Variants in RARRES1 observed in about 807,000 individuals in gnomAD.
The protein encoded by RARRES1 is retinoic acid receptor responder 1, also known as retinoic acid receptor responder protein 1.
A neutral mutation model predicts 30.6 loss-of-function variants in RARRES1; 34 were observed. The ratio of observed to expected loss-of-function variants is 1.11; its 90% CI spans 0.84 to 1.48. RARRES1 has a LOEUF of 1.48. Among genes scored for constraint, RARRES1 ranks in the 40% most tolerant of loss-of-function variants. The pLI is 0.00. For synonymous variants in RARRES1, 153 were observed against 155.5 expected, an observed-to-expected ratio of 0.98 and a Z score of 0.12; for missense variants, 373 against 386.5, an observed-to-expected ratio of 0.97 and a Z score of 0.29.
At chr3:158,719,193 T>C (rs1727419378) in intron 1 of RARRES1, among the ~76,000 whole-genome samples, 1 of 151,992 alleles carries the variant, frequency 6.6e-6, no homozygotes, top group African/African-American at 2.4e-5. Context: ...AAATTATGTA[T>C]AAAAGACTTG....
intron 1 of RARRES1, among the ~76,000 whole-genome samples, chr3:158,717,659 A>G (rs1448759095): frequency 1.3e-5 from 2 of 152,282 alleles, no homozygotes; most frequent in Non-Finnish European, 2.9e-5. Flanking sequence ...TTTTGAAAAG[A>G]TCCCTCTAGC....
intron 1 of RARRES1, among the ~76,000 whole-genome samples, chr3:158,718,899 G>A (rs1576819103): frequency 6.6e-6 from 1 of 152,096 alleles, no homozygotes. Context: ...AATCTGACAC[G>A]AGGAAAGGTG....
chr3:158,700,425 T>C (rs1418174430), intron 4 of RARRES1, among the ~76,000 whole-genome samples: 1 of 147,886 alleles, frequency 6.8e-6, no homozygotes, highest in East Asian at 2.0e-4. Flanking sequence ...ACAAAGAGTG[T>C]TACCCATTTT....
chr3:158,730,679 T>C (rs1372882839), intron 1 of RARRES1, among the ~76,000 whole-genome samples: 1 of 152,142 alleles, frequency 6.6e-6, no homozygotes, highest in Non-Finnish European at 1.5e-5. Flanking sequence ...CTACAACTCC[T>C]GAGCTCAAGC....
chr3:158,727,726 A>G (rs1471888598), intron 1 of RARRES1, among the ~76,000 whole-genome samples: 1 of 152,214 alleles, frequency 6.6e-6, no homozygotes, highest in Non-Finnish European at 1.5e-5. Context: ...ATGTAATACT[A>G]GAAAAGTAAA....
At chr3:158,717,543 G>A (rs1411095373) in intron 1 of RARRES1, among the ~76,000 whole-genome samples, 1 of 152,280 alleles carries the variant, frequency 6.6e-6, no homozygotes, top group East Asian at 1.9e-4. Flanking sequence ...TGGAGCTGGA[G>A]CTGGGACCCG....
chr3:158,699,804 A>G (rs1190115751), intron 4 of RARRES1, among the ~76,000 whole-genome samples: 1 of 152,218 alleles, frequency 6.6e-6, no homozygotes. Context: ...GAGAAAATTC[A>G]GTGTCTCTTT....
chr3:158,704,259 A>C, intron 4 of RARRES1, among the ~76,000 whole-genome samples: 3 of 116,236 alleles, frequency 2.6e-5, no homozygotes, highest in Admixed American at 1.3e-4. Flanking sequence ...CAGAGATGGC[A>C]TCTCACTCTG....
intron 3 of RARRES1, 106 bp from the exon 4 acceptor site, chr3:158,705,033 C>T: frequency 7.1e-7 from 1 of 1,403,924 alleles, no homozygotes; most frequent in Non-Finnish European, 9.5e-7. Context: ...CCAGTCATCT[C>T]TCTCACAGCA....
intron 1 of RARRES1, among the ~76,000 whole-genome samples, chr3:158,724,262 A>G (rs1727604627): frequency 6.6e-6 from 1 of 152,212 alleles, no homozygotes; most frequent in South Asian, 2.1e-4. Flanking sequence ...GGGGTGTGGT[A>G]GGCTGAATAA....
At chr3:158,710,643 C>T (rs553779750) in intron 3 of RARRES1, 95 bp downstream of exon 3, 4 of 1,196,718 alleles carry the variant, frequency 3.3e-6, no homozygotes, top group South Asian at 3.1e-5. Context: ...AATGAAAGTG[C>T]CACTTTAGGG....
chr3:158,731,115 A>G (rs932539767), intron 1 of RARRES1, among the ~76,000 whole-genome samples: 1 of 152,210 alleles, frequency 6.6e-6, no homozygotes, highest in African/African-American at 2.4e-5. Flanking sequence ...ATTTGATTTA[A>G]TCATTCAATA....
Position 158,704,210 on chromosome 3 carries a change from C to CTTTT in RARRES1, c.672+577_672+580dup, listed in dbSNP as rs78169321. On this transcript the variant is annotated intron_variant, in intron 4 of 5. Transcript: ENST00000237696. The stretch of plus-strand genomic sequence containing the variant: ...AGGCCTTGCCTAGAATATTGCAATA[C>CTTTT]TTTTTTTTTTTTTTTTTTTTTTTTT... Among the ~76,000 whole-genome samples, 38 of 82,836 alleles carry CTTTT rather than the reference C, an allele frequency of 4.6e-4. 1 individual carries two copies. Among genetic ancestry groups the CTTTT allele is most frequent in the Non-Finnish European group, 4.8e-4 (21 of 43,398 alleles). The allele number at this position is 82,836 out of a possible 152,430, so 54.3% of individuals were successfully genotyped here.
chr3:158,721,276 C>G (rs533838366), intron 1 of RARRES1, among the ~76,000 whole-genome samples: 1 of 152,128 alleles, frequency 6.6e-6, no homozygotes, highest in Admixed American at 6.5e-5. Context: ...TGGTCTCTTA[C>G]AGGGACTTCA....
intron 3 of RARRES1, among the ~76,000 whole-genome samples, chr3:158,706,747 C>G (rs1432676015): frequency 6.6e-6 from 1 of 152,172 alleles, no homozygotes; most frequent in Non-Finnish European, 1.5e-5. Context: ...CTAGCCAACT[C>G]TAGGAGAATA....
intron 3 of RARRES1, among the ~76,000 whole-genome samples, chr3:158,708,714 G>T (rs893747041): frequency 5.3e-5 from 8 of 151,966 alleles, no homozygotes; most frequent in Admixed American, 5.2e-4. Context: ...GCCCAGGCTG[G>T]AGTGCAGTGG....
intron 1 of RARRES1, among the ~76,000 whole-genome samples, chr3:158,721,787 ATTC>A: frequency 6.6e-6 from 1 of 152,256 alleles, no homozygotes; most frequent in South Asian, 2.1e-4. Context: ...AGTATGTGCT[ATTC>A]TTTGAGAAGG....
At position 158,704,946 on chromosome 3, in the gene RARRES1, G is replaced by A; in HGVS notation, c.536-19C>T. ...TGATTATCTGAGAGAGACAAAAAAAGCACATTTGTATTAATGCATTTTTGA... is the reference window on the plus strand; with the variant it reads ...TGATTATCTGAGAGAGACAAAAAAAACACATTTGTATTAATGCATTTTTGA... On this transcript the variant is annotated intron_variant, in intron 3 of 5. Coordinates refer to ENST00000237696, the MANE Select transcript of RARRES1 (RefSeq NM_206963.2). The A allele has an allele frequency of 6.3e-7, 1 of 1,599,878 alleles. No individual in the cohort carries two copies. Among genetic ancestry groups the A allele is most frequent in the Non-Finnish European group, 8.5e-7 (1 of 1,175,900 alleles).
intron 1 of RARRES1, among the ~76,000 whole-genome samples, chr3:158,729,784 A>G (rs971310432): frequency 6.6e-6 from 1 of 151,890 alleles, no homozygotes; most frequent in African/African-American, 2.4e-5. Flanking sequence ...TTGGAAGGGG[A>G]AAAAAAATCT....
Sources: gnomAD v4.1 joint callset for allele counts (sites outside exome capture counted in the v4.1 genomes callset) on GRCh38, gnomAD v4.1.1 for gene constraint, MANE v1.5 for transcripts, NCBI Gene and HGNC (gene_info 2026-07-23, HGNC 2026-07-21) for gene names.